Variants in BAALC observed in about 807,000 individuals in gnomAD.
The protein encoded by BAALC is brain and acute leukemia cytoplasmic protein.
Under a neutral mutation model 15.5 loss-of-function variants are expected in BAALC, and 9 were observed. The observed-to-expected ratio is 0.58, with a 90% CI of 0.35 to 1.02. The LOEUF (loss-of-function observed/expected upper bound fraction) is 1.02. Among genes scored for constraint, BAALC ranks in the 50% least tolerant of loss-of-function variants. BAALC has a pLI of 0.02. For missense variants in BAALC, 201 were observed against 192.4 expected (o/e 1.04, Z -0.27); for synonymous variants, 80 against 74.6 (o/e 1.07, Z -0.37).
At chr8:103,148,063 C>A (rs1465057360) in intron 1 of BAALC, among the ~76,000 whole-genome samples, 1 of 152,170 alleles carries the variant, frequency 6.6e-6, no homozygotes, top group Non-Finnish European at 1.5e-5. Flanking sequence ...GAAGCCCTAA[C>A]CCCCTCTCTA....
At chr8:103,202,855 GA>G (rs1812249742) in intron 1 of BAALC, 1 of 152,326 alleles carries the variant, frequency 6.6e-6, no homozygotes. Flanking sequence ...AAGTTTCAAG[GA>G]AGGGAGGCAC....
intron 1 of BAALC, among the ~76,000 whole-genome samples, chr8:103,210,731 C>A (rs945329629): frequency 6.6e-6 from 1 of 152,178 alleles, no homozygotes; most frequent in Non-Finnish European, 1.5e-5. Context: ...AATCAAGAAG[C>A]ATTAATCCAA....
At chr8:103,162,806 C>T (rs1811257421) in intron 1 of BAALC, among the ~76,000 whole-genome samples, 1 of 152,096 alleles carries the variant, frequency 6.6e-6, no homozygotes, top group Admixed American at 6.6e-5. Context: ...GTTAGCCCGT[C>T]ACAGTTTCTT....
intron 1 of BAALC, among the ~76,000 whole-genome samples, chr8:103,159,227 T>C (rs1811167870): frequency 6.6e-6 from 1 of 152,310 alleles, no homozygotes; most frequent in Middle Eastern, 3.4e-3. Context: ...TCTTGTTTTT[T>C]GTGATGTTAA....
chr8:103,211,669 G>C (rs1812448383), intron 1 of BAALC, among the ~76,000 whole-genome samples: 1 of 152,148 alleles, frequency 6.6e-6, no homozygotes, highest in South Asian at 2.1e-4. Flanking sequence ...AATGTCATCT[G>C]CATCTATTTG....
intron 1 of BAALC, among the ~76,000 whole-genome samples, chr8:103,189,509 G>A (rs1208877775): frequency 6.6e-6 from 1 of 152,194 alleles, no homozygotes; most frequent in Non-Finnish European, 1.5e-5. Context: ...GCCCAGCTGG[G>A]GGGAGAAAAC....
At chr8:103,163,950 C>A (rs1452761004) in intron 1 of BAALC, among the ~76,000 whole-genome samples, 2 of 152,156 alleles carry the variant, frequency 1.3e-5, no homozygotes, top group African/African-American at 4.8e-5. Context: ...TCTCTCAGAG[C>A]TTACATTTGG....
At chr8:103,182,587 C>T (rs1301400998) in intron 1 of BAALC, among the ~76,000 whole-genome samples, 1 of 152,164 alleles carries the variant, frequency 6.6e-6, no homozygotes, top group Admixed American at 6.5e-5. Context: ...GGTTTCCATC[C>T]TCACAGTGTT....
intron 1 of BAALC, among the ~76,000 whole-genome samples, chr8:103,141,886 A>AT (rs1434578926): frequency 2.0e-5 from 3 of 152,286 alleles, no homozygotes; most frequent in East Asian, 3.9e-4. Flanking sequence ...ATTTTATTTT[A>AT]TTTTTTTATT....
chr8:103,189,884 C>T (rs762121138), intron 1 of BAALC, among the ~76,000 whole-genome samples: 2 of 152,068 alleles, frequency 1.3e-5, no homozygotes, highest in East Asian at 1.9e-4. Flanking sequence ...GTCTTCCTGT[C>T]GTGATTAGGA....
chr8:103,187,046 G>A (rs77617982), intron 1 of BAALC, among the ~76,000 whole-genome samples: 1,802 of 152,274 alleles, frequency 0.012, 36 homozygotes, highest in African/African-American at 0.04. Context: ...GCCACGTGCT[G>A]TTCTGCTACC....
chr8:103,228,310 T>G lies in BAALC; in HGVS notation c.*211T>G, dbSNP rs143077439. On this transcript the variant is annotated 3_prime_UTR_variant, in exon 3 of 3. Transcript: ENST00000309982. ...TTATCATGTAAATGTATTGGCACAG[T>G]GCTTACATATGTTAATAAACTGCAA... 263 of 496,400 alleles carry G rather than the reference T, an allele frequency of 5.3e-4. 2 individuals are homozygous for G. In the East Asian group the frequency reaches 8.1e-3, roughly 15 times the overall value. 30.7% of individuals were successfully genotyped at this position (496,400 alleles called of 1,614,324 possible).
At chr8:103,166,834 G>A (rs561630885) in intron 1 of BAALC, among the ~76,000 whole-genome samples, 9 of 152,192 alleles carry the variant, frequency 5.9e-5, no homozygotes, top group African/African-American at 2.2e-4. Context: ...CATCTAAACT[G>A]GATTTATAAT....
intron 1 of BAALC, among the ~76,000 whole-genome samples, chr8:103,174,037 C>T (rs1811554019): frequency 6.6e-6 from 1 of 152,208 alleles, no homozygotes; most frequent in Non-Finnish European, 1.5e-5. Context: ...TGTAGAGAAA[C>T]TGGAGGCCTT....
intron 1 of BAALC, among the ~76,000 whole-genome samples, chr8:103,187,584 C>T (rs535406253): frequency 6.6e-6 from 1 of 152,296 alleles, no homozygotes; most frequent in South Asian, 2.1e-4. Context: ...GTAGTGTTGC[C>T]TGTACTCTAT....
At chr8:103,149,703 G>A (rs1410873988) in intron 1 of BAALC, among the ~76,000 whole-genome samples, 1 of 152,198 alleles carries the variant, frequency 6.6e-6, no homozygotes, top group African/African-American at 2.4e-5. Context: ...GGTAGTGGGA[G>A]CCCAAGTCTA....
chr8:103,203,537 A>G (rs1397794933), intron 1 of BAALC, among the ~76,000 whole-genome samples: 1 of 152,152 alleles, frequency 6.6e-6, no homozygotes, highest in Non-Finnish European at 1.5e-5. Flanking sequence ...ATTTTAGAAC[A>G]TTTTCATTGC....
chr8:103,225,628 C>A (rs949191902), intron 2 of BAALC, among the ~76,000 whole-genome samples: 1 of 152,092 alleles, frequency 6.6e-6, no homozygotes, highest in Non-Finnish European at 1.5e-5. Context: ...AGACCTGGGG[C>A]AAGCAAAGCA....
intron 1 of BAALC, among the ~76,000 whole-genome samples, chr8:103,199,527 AATTG>A (rs79702480): frequency 0.067 from 10,201 of 152,162 alleles, 457 homozygotes; most frequent in Non-Finnish European, 0.1. Flanking sequence ...GATACTAGAT[AATTG>A]ATTGATTGCT....
Sources: gnomAD v4.1 joint callset for allele counts (sites outside exome capture counted in the v4.1 genomes callset) on GRCh38, gnomAD v4.1.1 for gene constraint, MANE v1.5 for transcripts, NCBI Gene and HGNC (gene_info 2026-07-23, HGNC 2026-07-21) for gene names.